Variants in FNDC1 observed in about 807,000 individuals in gnomAD.
FNDC1 encodes the protein fibronectin type III domain-containing protein 1.
In FNDC1, 96 loss-of-function variants were observed where a neutral mutation model predicts 168.0. The observed-to-expected ratio is 0.57, with a 90% CI of 0.48 to 0.68. The LOEUF (loss-of-function observed/expected upper bound fraction) is 0.68, where lower values mean the gene tolerates loss of function less well. Among genes scored for constraint, FNDC1 ranks in the 30% least tolerant of loss-of-function variants. The pLI is 0.00. For missense variants in FNDC1, 2,587 were observed against 2,482.1 expected (o/e 1.04, Z -0.90); for synonymous variants, 1,099 against 1,025.9 (o/e 1.07, Z -1.36).
intron 7 of FNDC1, among the ~76,000 whole-genome samples, chr6:159,224,398 G>A (rs903424823): frequency 6.6e-6 from 1 of 152,166 alleles, no homozygotes; most frequent in African/African-American, 2.4e-5. Context: ...TGGTGGTCTG[G>A]TTATTATATA....
rs756100687 is a variant in FNDC1, at chr6:159,239,608, G to A, written c.4272G>A (p.Lys1424=). 4.4e-6 allele frequency: 7 copies of A among 1,579,286 alleles called. No individual in the cohort carries two copies. The African/African-American group carries it at 6.7e-5, about 15-fold the overall frequency. The change falls in exon 14 of 23, where the codon AAG becomes AAA. Residue 1424 remains lysine, a synonymous_variant. Transcript: ENST00000297267. ...HGTPLANAQD[K]PILSLGGKPL... ...CACCTCTGGCCAATGCCCAAGATAA[G>A]CCAATTTTGAGTCTTGGAGGAAAGC...
chr6:159,233,869 A>C lies in FNDC1; in HGVS notation c.3357A>C (p.Ala1119=), dbSNP rs1432940530. 1 of 1,547,052 alleles carries C rather than the reference A, an allele frequency of 6.5e-7. No individual in the cohort carries two copies. Residue 1119 remains alanine, a synonymous_variant, in exon 11 of 23, where the codon GCA becomes GCC. Transcript: ENST00000297267. The surrounding 1 kb of genome is among the most constrained non-coding windows in gnomAD (Gnocchi z 4.6). ...AGCAGGTGGAGTCTCCCACAGGCGC[A>C]GGGGCAGGTGGCGACCACAGGTCCC... ...KHQQVESPTG[A]GAGGDHRSQR...
chr6:159,218,703 C>A (rs958396911), intron 5 of FNDC1: 1 of 152,234 alleles, frequency 6.6e-6, no homozygotes, highest in Admixed American at 6.5e-5. Context: ...ACACGTCTTA[C>A]TGGGCATCTC....
intron 22 of FNDC1, among the ~76,000 whole-genome samples, chr6:159,271,118 G>A (rs1777736296): frequency 6.6e-6 from 1 of 152,194 alleles, no homozygotes; most frequent in African/African-American, 2.4e-5. Flanking sequence ...CCCCACCCCA[G>A]GCTGGGGTTG....
chr6:159,227,671 A>T (rs1782981845), intron 9 of FNDC1, among the ~76,000 whole-genome samples: 1 of 149,740 alleles, frequency 6.7e-6, no homozygotes, highest in South Asian at 2.1e-4. Flanking sequence ...TGCCATTGGA[A>T]TAAATCCACA....
chr6:159,226,408 T>C, intron 8 of FNDC1, 65 bp from the exon 9 acceptor site: 1 of 1,239,704 alleles, frequency 8.1e-7, no homozygotes, highest in Admixed American at 2.1e-5. Context: ...AGAGACCATG[T>C]GCTATTTACA....
chr6:159,264,347 C>G (rs1002124546), intron 19 of FNDC1, among the ~76,000 whole-genome samples: 3 of 152,202 alleles, frequency 2.0e-5, no homozygotes, highest in African/African-American at 2.4e-5. Context: ...GTATGAACTC[C>G]TTTGACTGGC....
rs201387402 is a variant in FNDC1, at chr6:159,223,543, A to G, written c.782A>G (p.Asp261Gly). ...KRKISEEDELDVPDDISVRVM... is the reference protein window; with the variant it reads ...KRKISEEDELGVPDDISVRVM... ...GTCATTTCAGAAGAGGACGAATTGG[A>G]TGTACCTGACGACATCAGCGTCCGG... Residue 261 changes from aspartate (D) to glycine (G), a missense_variant, in exon 7 of 23, where the codon GAT (aspartate) becomes GGT (glycine). Physicochemically the swap from Asp to Gly is moderately conservative, Grantham distance 94 (BLOSUM62 -1). Coordinates refer to ENST00000297267, the MANE Select transcript of FNDC1 (RefSeq NM_032532.3). 5.1e-4 allele frequency: 824 copies of G among 1,612,762 alleles called. No individual in the cohort carries two copies. Among genetic ancestry groups the G allele is most frequent in the Non-Finnish European group, 5.9e-4 (701 of 1,179,112 alleles).
intron 4 of FNDC1, among the ~76,000 whole-genome samples, chr6:159,212,378 A>C (rs1039881284): frequency 6.6e-6 from 1 of 152,260 alleles, no homozygotes; most frequent in Non-Finnish European, 1.5e-5. Context: ...CAGAGAGAAC[A>C]CTTAAATAGT....
intron 4 of FNDC1, among the ~76,000 whole-genome samples, chr6:159,207,636 C>T (rs564792892): frequency 6.6e-6 from 1 of 152,190 alleles, no homozygotes; most frequent in South Asian, 2.1e-4. Flanking sequence ...CCTTTTTAAA[C>T]TTATCAACCT....
chr6:159,214,089 A>G (rs1228734959), intron 4 of FNDC1, among the ~76,000 whole-genome samples: 1 of 152,224 alleles, frequency 6.6e-6, no homozygotes, highest in East Asian at 1.9e-4. Context: ...ACTGCCTTAC[A>G]CAATTAAAGA....
chr6:159,228,048 A>G (rs764387150), intron 9 of FNDC1, among the ~76,000 whole-genome samples: 2 of 152,038 alleles, frequency 1.3e-5, no homozygotes, highest in Non-Finnish European at 2.9e-5. Flanking sequence ...TTTTTTTGCT[A>G]ACTACTTTTT....
chr6:159,182,178 A>G (rs969211770), intron 1 of FNDC1, among the ~76,000 whole-genome samples: 3 of 152,246 alleles, frequency 2.0e-5, no homozygotes, highest in African/African-American at 7.2e-5. Context: ...GCTGAGGTTC[A>G]GGGTACAAAC....
At chr6:159,227,643 TC>T in intron 9 of FNDC1, among the ~76,000 whole-genome samples, 1 of 115,434 alleles carries the variant, frequency 8.7e-6, no homozygotes, top group African/African-American at 4.9e-5. Context: ...TATTCTTCTT[TC>T]TCTTTTTTTT....
chr6:159,268,819 T>C (rs1777645770), intron 22 of FNDC1, among the ~76,000 whole-genome samples: 1 of 133,916 alleles, frequency 7.5e-6, no homozygotes, highest in Non-Finnish European at 1.6e-5. Context: ...CATCTATCTA[T>C]TCATCTATCT....
rs138168245 is a variant in FNDC1, at chr6:159,231,916, C to T, written c.1404C>T (p.Asp468=). Residue 468 remains aspartate (D), a synonymous_variant, in exon 11 of 23, where the codon GAC becomes GAT. Coordinates refer to ENST00000297267, the MANE Select transcript of FNDC1 (RefSeq NM_032532.3). Reference sequence around the variant, plus strand: ...CGGATGTTGAGCAGAACACGGAGGACAATGGGAAACCCGAAAAACCTGAGC... The same window carrying T: ...CGGATGTTGAGCAGAACACGGAGGATAATGGGAAACCCGAAAAACCTGAGC... ...SKADVEQNTE[D]NGKPEKPEPS... 2.0e-4 allele frequency: 321 copies of T among 1,612,332 alleles called. 5 individuals carry two copies. The East Asian group carries it at 5.6e-3, about 28-fold the overall frequency.
chr6:159,190,307 G>A (rs1020758092), intron 1 of FNDC1, among the ~76,000 whole-genome samples: 2 of 152,202 alleles, frequency 1.3e-5, no homozygotes, highest in East Asian at 3.8e-4. Context: ...CCCCTGTCCC[G>A]CACTCCACGC....
chr6:159,201,938 C>T (rs1338907821), intron 4 of FNDC1, among the ~76,000 whole-genome samples: 1 of 151,966 alleles, frequency 6.6e-6, no homozygotes, highest in Non-Finnish European at 1.5e-5. Flanking sequence ...TTTCTTATGC[C>T]CTCTTTAATA....
intron 6 of FNDC1, among the ~76,000 whole-genome samples, chr6:159,222,219 T>C (rs1205613568): frequency 6.6e-6 from 1 of 152,248 alleles, no homozygotes; most frequent in East Asian, 1.9e-4. Flanking sequence ...ATATTCCTGA[T>C]ACATTAACAA....
Sources: gnomAD v4.1 joint callset for allele counts (sites outside exome capture counted in the v4.1 genomes callset) on GRCh38, gnomAD v4.1.1 for gene constraint, Gnocchi (gnomAD v3.1) non-coding constraint, MANE v1.5 for transcripts, NCBI Gene and HGNC (gene_info 2026-07-23, HGNC 2026-07-21) for gene names.